The following HMBOX1 variants were observed in gnomAD, a reference collection of about 807,000 sequenced individuals.
HMBOX1 encodes homeobox-containing protein 1.
A neutral mutation model predicts 54.5 loss-of-function variants in HMBOX1; 14 were observed. The ratio of observed to expected loss-of-function variants is 0.26; its 90% CI spans 0.17 to 0.40. The LOEUF (loss-of-function observed/expected upper bound fraction) is 0.40, where lower values mean the gene tolerates loss of function less well. Ranked by LOEUF, HMBOX1 falls within the 10% of genes least tolerant of loss-of-function variation. The probability of loss-of-function intolerance (pLI) is 1.00; values close to 1 mark genes in which losing one functional copy is unlikely to be tolerated. For synonymous variants in HMBOX1, 160 were observed against 181.0 expected (o/e 0.88, Z 0.93); for missense variants, 332 against 514.4 (o/e 0.65, Z 3.43).
chr8:28,935,614 G>A (rs902978156), intron 1 of HMBOX1, among the ~76,000 whole-genome samples: 1 of 152,060 alleles, frequency 6.6e-6, no homozygotes, highest in Non-Finnish European at 1.5e-5. Context: ...AGAAGAAAAT[G>A]TAACTTTGCT....
intron 1 of HMBOX1, among the ~76,000 whole-genome samples, chr8:28,935,492 G>A (rs1303007986): frequency 1.3e-5 from 2 of 152,242 alleles, no homozygotes; most frequent in South Asian, 2.1e-4. Context: ...CCATTTGAGG[G>A]TAAGGGGGAG....
intron 4 of HMBOX1, among the ~76,000 whole-genome samples, 160 bp from the exon 5 acceptor site, chr8:29,008,912 A>C (rs558836632): frequency 6.6e-6 from 1 of 152,370 alleles, no homozygotes; most frequent in South Asian, 2.1e-4. Flanking sequence ...CAGTGCAGTC[A>C]GTCTTTACAA....
At chr8:29,009,515 C>G in intron 5 of HMBOX1, 17 of 780,646 alleles carry the variant, frequency 2.2e-5, no homozygotes, top group Non-Finnish European at 2.6e-5. Flanking sequence ...ACGTAAGATT[C>G]CGTATCTCTT....
chr8:29,012,259 C>A (rs1834319767), intron 5 of HMBOX1, among the ~76,000 whole-genome samples: 1 of 152,150 alleles, frequency 6.6e-6, no homozygotes, highest in Non-Finnish European at 1.5e-5. Context: ...TTTGGAGCTA[C>A]TATTATGTTT....
chr8:28,973,636 G>T (rs372256624), intron 3 of HMBOX1, among the ~76,000 whole-genome samples: 60 of 152,016 alleles, frequency 3.9e-4, no homozygotes, highest in Middle Eastern at 6.8e-3. Context: ...AGTCTCTGGT[G>T]GGGGAGCCTG....
chr8:29,006,021 G>A lies in HMBOX1; in HGVS notation c.587-3051G>A, dbSNP rs539969425. 3.4e-3 allele frequency among the ~76,000 whole-genome samples: 449 copies of A among 133,108 alleles called. 3 individuals carry two copies. The highest frequency in any genetic ancestry group is 0.012 in the African/African-American group (425 of 35,432). 87.3% of individuals were successfully genotyped at this position (133,108 alleles called of 152,430 possible). ...TTTTTTTTTTTTTTTGAGACAGAGT[G>A]TCACTCTGTCACCCAGGCTGGAGTG... On this transcript the variant is annotated intron_variant, in intron 4 of 9. Transcript: ENST00000287701.
At chr8:29,001,377 C>T (rs1182463478) in intron 4 of HMBOX1, among the ~76,000 whole-genome samples, 1 of 152,172 alleles carries the variant, frequency 6.6e-6, no homozygotes, top group Non-Finnish European at 1.5e-5. Flanking sequence ...TGGCAAAACC[C>T]TGTCTCTACT....
chr8:28,909,986 C>T (rs1468779556), intron 1 of HMBOX1, among the ~76,000 whole-genome samples: 4 of 152,044 alleles, frequency 2.6e-5, no homozygotes, highest in Middle Eastern at 3.2e-3. Flanking sequence ...CAAGCCTGTT[C>T]AGTCCCAGAA....
intron 1 of HMBOX1, among the ~76,000 whole-genome samples, chr8:28,899,439 C>CTATATA (rs1486969620): frequency 2.0e-5 from 3 of 152,222 alleles, no homozygotes; most frequent in Non-Finnish European, 4.4e-5. Flanking sequence ...CACCCTCTAT[C>CTATATA]TATATAGTGA....
intron 8 of HMBOX1, among the ~76,000 whole-genome samples, chr8:29,048,256 G>A (rs1805900754): frequency 6.6e-6 from 1 of 152,096 alleles, no homozygotes; most frequent in Admixed American, 6.5e-5. Context: ...AATCATTTAT[G>A]TATATATACA....
In HMBOX1 at chr8:28,980,165, T is replaced by A; in HGVS notation, c.586+9T>A. The A allele has an allele frequency of 6.3e-7, 1 of 1,593,358 alleles. No homozygotes were observed. Among genetic ancestry groups the A allele is most frequent in the Non-Finnish European group, 8.6e-7 (1 of 1,161,058 alleles). On this transcript the variant is annotated intron_variant, in intron 4 of 9. Coordinates refer to ENST00000287701, the MANE Select transcript of HMBOX1 (RefSeq NM_001135726.3). ...TGTTGCACAGGTAACAGGTAAGAGC[T>A]GAAGAGCCCTTTATTCTGGAATCAT...
At chr8:28,974,583 G>A (rs1828061810) in intron 3 of HMBOX1, among the ~76,000 whole-genome samples, 1 of 152,094 alleles carries the variant, frequency 6.6e-6, no homozygotes, top group Non-Finnish European at 1.5e-5. Flanking sequence ...ATTATCTATA[G>A]GCTAAGTATT....
chr8:28,978,524 T>C (rs996818461), intron 3 of HMBOX1, among the ~76,000 whole-genome samples: 11 of 152,226 alleles, frequency 7.2e-5, no homozygotes, highest in Non-Finnish European at 1.5e-4. Context: ...TGCTCACGCC[T>C]GTATTCCCAG....
chr8:29,033,271 G>A (rs955721795), intron 6 of HMBOX1, among the ~76,000 whole-genome samples: 2 of 152,156 alleles, frequency 1.3e-5, no homozygotes, highest in Non-Finnish European at 2.9e-5. Context: ...TATGCCGGAA[G>A]TTGTATTTTA....
chr8:28,921,611 T>A (rs1024185844), intron 1 of HMBOX1, among the ~76,000 whole-genome samples: 1 of 152,218 alleles, frequency 6.6e-6, no homozygotes. Flanking sequence ...ATTTGATAAC[T>A]GCATATGTTT....
At chr8:28,931,937 C>T (rs1414033698) in intron 1 of HMBOX1, among the ~76,000 whole-genome samples, 4 of 152,142 alleles carry the variant, frequency 2.6e-5, no homozygotes, top group African/African-American at 9.7e-5. Context: ...GTGAATGAGC[C>T]TGAAACAATC....
intron 6 of HMBOX1, among the ~76,000 whole-genome samples, chr8:29,022,916 T>C (rs1197937111): frequency 6.6e-6 from 1 of 152,028 alleles, no homozygotes; most frequent in East Asian, 1.9e-4. Flanking sequence ...ATAACTAAAA[T>C]TAAACCTGTA....
intron 4 of HMBOX1, among the ~76,000 whole-genome samples, chr8:29,007,571 A>G (rs1411052826): frequency 6.6e-6 from 1 of 152,174 alleles, no homozygotes; most frequent in African/African-American, 2.4e-5. Flanking sequence ...GTAATCCAGC[A>G]CTTTGGGAGG....
In HMBOX1 at chr8:29,040,340, G is replaced by A. The variant is rs180782308; in HGVS notation, c.852-5021G>A. Among the ~76,000 whole-genome samples, 42 of 151,990 alleles carry A rather than the reference G, an allele frequency of 2.8e-4. No individual in the cohort carries two copies. The East Asian group carries it at 7.0e-3, about 25-fold the overall frequency. On this transcript the variant is annotated intron_variant, in intron 6 of 9. Transcript: ENST00000287701. Reference sequence around the variant, plus strand: ...TAGTTGTTTGCTATTTTATTTCCTGGTCTACCTTTATCTTCAAAAAACTCT... The same window carrying A: ...TAGTTGTTTGCTATTTTATTTCCTGATCTACCTTTATCTTCAAAAAACTCT...
Sources: allele counts gnomAD v4.1 joint callset (sites outside exome capture counted in the v4.1 genomes callset), GRCh38; gene constraint gnomAD v4.1.1; transcripts MANE v1.5; gene names NCBI Gene and HGNC (gene_info 2026-07-23, HGNC 2026-07-21).